TTR: variants seen among roughly 807,000 people sequenced by gnomAD.
TTR encodes the protein transthyretin, also known as epididymis luminal protein 111.
In TTR, 8 loss-of-function variants were observed where a neutral mutation model predicts 13.7. The observed-to-expected ratio is 0.58, with a 90% CI of 0.34 to 1.05. The LOEUF (loss-of-function observed/expected upper bound fraction) is 1.05, where lower values mean the gene tolerates loss of function less well. Ranked by LOEUF, TTR falls within the 50% of genes least tolerant of loss-of-function variation. TTR has a pLI of 0.02. For synonymous variants in TTR, 75 were observed against 71.7 expected, an observed-to-expected ratio of 1.05 and a Z score of -0.23; for missense variants, 135 against 185.5, an observed-to-expected ratio of 0.73 and a Z score of 1.58.
intron 3 of TTR, chr18:31,595,885 G>C: frequency 5.7e-6 from 1 of 175,840 alleles, no homozygotes; most frequent in Admixed American, 5.5e-5. Flanking sequence ...GCACCAGGAA[G>C]TCAAATAACT....
Position 31,598,669 on chromosome 18 carries a change from G to A in TTR, c.438G>A (p.Lys146=). The change falls in exon 4 of 4, where the codon AAG becomes AAA. Residue 146 remains lysine, a synonymous_variant. Transcript: ENST00000237014. ...YSTTAVVTNP[K]E Reference sequence around the variant, plus strand: ...CCACGGCTGTCGTCACCAATCCCAAGGAATGAGGGACTTCTCCTCCAGTGG... The same window carrying A: ...CCACGGCTGTCGTCACCAATCCCAAAGAATGAGGGACTTCTCCTCCAGTGG... The A allele has an allele frequency of 2.5e-6, 4 of 1,614,146 alleles. No homozygotes were observed. The highest frequency in any genetic ancestry group is 3.4e-6 in the Non-Finnish European group (4 of 1,180,020).
Position 31,591,971 on chromosome 18 carries a change from G to C in TTR, c.69G>C (p.Thr23=), listed in dbSNP as rs752579437. 8 of 1,614,014 alleles carry C rather than the reference G, an allele frequency of 5.0e-6. No individual in the cohort carries two copies. The highest frequency in any genetic ancestry group is 1.1e-5 in the South Asian group (1 of 91,068). Residue 23 remains threonine, a splice_region_variant and synonymous_variant, in exon 1 of 4, where the codon ACG becomes ACC. Coordinates refer to ENST00000237014, the MANE Select transcript of TTR (RefSeq NM_000371.4). ...GLVFVSEAGP[T]GTGESKCPLM... ...TATTTGTGTCTGAGGCTGGCCCTAC[G>C]GTGAGTGTTTCTGTGACATCCCATT...
In TTR at chr18:31,598,608, C is replaced by A. The variant is rs1456101911; in HGVS notation, c.377C>A (p.Thr126Asn). 1 of 1,614,094 alleles carries A rather than the reference C, an allele frequency of 6.2e-7. No homozygotes were observed. Among genetic ancestry groups the A allele is most frequent in the African/African-American group, 1.3e-5 (1 of 74,946 alleles). ...TANDSGPRRY[T>N]IAALLSPYSY... is the part of the protein sequence containing the mutation. ...AACGACTCCGGCCCCCGCCGCTACA[C>A]CATTGCCGCCCTGCTGAGCCCCTAC... Residue 126 changes from threonine to asparagine, a missense_variant, in exon 4 of 4, where the codon ACC becomes AAC. Thr to Asn is a moderately conservative substitution (Grantham distance 65, BLOSUM62 0). Transcript: ENST00000237014.
chr18:31,595,535 C>A, intron 3 of TTR: 2 of 535,724 alleles, frequency 3.7e-6, no homozygotes, highest in Non-Finnish European at 7.1e-6. Flanking sequence ...GATGTATCTG[C>A]TGTTGAAATA....
At chr18:31,597,708 C>G (rs964623330) in intron 3 of TTR, among the ~76,000 whole-genome samples, 1 of 152,198 alleles carries the variant, frequency 6.6e-6, no homozygotes, top group African/African-American at 2.4e-5. Flanking sequence ...TGTCTTCTAC[C>G]TCTTTCCTGA....
intron 1 of TTR, 99 bp from the exon 2 acceptor site, chr18:31,592,797 G>A: frequency 6.6e-7 from 1 of 1,510,648 alleles, no homozygotes; most frequent in Non-Finnish European, 9.1e-7. Context: ...GGATCAGTGT[G>A]TAATTCTTGT....
intron 2 of TTR, among the ~76,000 whole-genome samples, chr18:31,594,012 G>A (rs1422867732): frequency 6.6e-6 from 1 of 152,038 alleles, no homozygotes; most frequent in Non-Finnish European, 1.5e-5. Flanking sequence ...TTTTTATTTG[G>A]GAATTCATTT....
intron 3 of TTR, among the ~76,000 whole-genome samples, chr18:31,596,627 C>A (rs2073518010): frequency 6.6e-6 from 1 of 151,770 alleles, no homozygotes; most frequent in Admixed American, 6.6e-5. Flanking sequence ...TAGATCTTAG[C>A]TTCCTTGTCT....
chr18:31,592,055 C>T (rs1174198449), intron 1 of TTR, 84 bp downstream of exon 1: 3 of 1,435,970 alleles, frequency 2.1e-6, no homozygotes, highest in Non-Finnish European at 2.9e-6. Context: ...CTTTGCCAAC[C>T]AGCTTTTATT....
At chr18:31,595,427 A>G in intron 3 of TTR, 172 bp downstream of exon 3, 2 of 907,798 alleles carry the variant, frequency 2.2e-6, no homozygotes, top group East Asian at 5.3e-5. Flanking sequence ...TCTGAGAAGC[A>G]AATTTCTTTT....
intron 3 of TTR, chr18:31,595,471 T>C: frequency 1.5e-6 from 1 of 686,666 alleles, no homozygotes. Context: ...GTAACATGAC[T>C]TGAACTTACA....
At chr18:31,594,106 T>C (rs1056153097) in intron 2 of TTR, among the ~76,000 whole-genome samples, 2 of 152,052 alleles carry the variant, frequency 1.3e-5, no homozygotes, top group Non-Finnish European at 2.9e-5. Flanking sequence ...ACCAAAAATA[T>C]TCCAATGTTC....
chr18:31,597,505 G>A (rs1227457562), intron 3 of TTR, among the ~76,000 whole-genome samples: 1 of 152,192 alleles, frequency 6.6e-6, no homozygotes, highest in Non-Finnish European at 1.5e-5. Flanking sequence ...ATTCTTAGGT[G>A]ATTCTCACTT....
At position 31,591,989 on chromosome 18, in the gene TTR, A is replaced by G; in HGVS notation, c.69+18A>G. 1 of 1,613,610 alleles carries G rather than the reference A, an allele frequency of 6.2e-7. No individual in the cohort carries two copies. Among genetic ancestry groups the G allele is most frequent in the Non-Finnish European group, 8.5e-7 (1 of 1,179,550 alleles). Reference sequence around the variant, plus strand: ...GCCCTACGGTGAGTGTTTCTGTGACATCCCATTCCTACATTTAAGATTCAC... The same window carrying G: ...GCCCTACGGTGAGTGTTTCTGTGACGTCCCATTCCTACATTTAAGATTCAC... On this transcript the variant is annotated intron_variant, in intron 1 of 3. Transcript: ENST00000237014.
intron 3 of TTR, among the ~76,000 whole-genome samples, chr18:31,597,807 T>C (rs1196410364): frequency 2.0e-5 from 3 of 152,200 alleles, no homozygotes; most frequent in Non-Finnish European, 4.4e-5. Flanking sequence ...GACAGAACTG[T>C]GTGACTATCT....
At chr18:31,597,528 G>A (rs182484405) in intron 3 of TTR, among the ~76,000 whole-genome samples, 1 of 152,210 alleles carries the variant, frequency 6.6e-6, no homozygotes, top group African/African-American at 2.4e-5. Context: ...TCTTGCCCCA[G>A]TATTATTTTT....
Position 31,598,602 on chromosome 18 carries a change from G to T in TTR, c.371G>T (p.Arg124Leu). The T allele has an allele frequency of 6.2e-7, 1 of 1,614,126 alleles. No homozygotes were observed. Among genetic ancestry groups the T allele is most frequent in the Non-Finnish European group, 8.5e-7 (1 of 1,180,020 alleles). ...VFTANDSGPR[R>L]YTIAALLSPY... ...ACAGCCAACGACTCCGGCCCCCGCC[G>T]CTACACCATTGCCGCCCTGCTGAGC... Residue 124 changes from arginine (R) to leucine (L), a missense_variant, in exon 4 of 4, where the codon CGC becomes CTC. By Grantham distance (102) the Arg-to-Leu change is moderately radical. Transcript: ENST00000237014.
Position 31,598,609 on chromosome 18 carries a change from C to A in TTR, c.378C>A (p.Thr126=). 1 of 1,614,230 alleles carries A rather than the reference C, an allele frequency of 6.2e-7. No individual in the cohort carries two copies. Among genetic ancestry groups the A allele is most frequent in the South Asian group, 1.1e-5 (1 of 91,086 alleles). ...ACGACTCCGGCCCCCGCCGCTACAC[C>A]ATTGCCGCCCTGCTGAGCCCCTACT... is the stretch of plus-strand genomic sequence containing the variant. ...TANDSGPRRY[T]IAALLSPYSY... is the part of the protein sequence containing the mutation. The change falls in exon 4 of 4, where the codon ACC becomes ACA. Residue 126 remains threonine (T), a synonymous_variant. Coordinates refer to ENST00000237014, the MANE Select transcript of TTR (RefSeq NM_000371.4).
chr18:31,595,052 G>A (rs1027566111), intron 2 of TTR, 68 bp from the exon 3 acceptor site: 13 of 1,537,402 alleles, frequency 8.5e-6, no homozygotes, highest in African/African-American at 2.7e-5. Context: ...GTTGGTGGGG[G>A]TGTATTACTT....
Sources: allele counts gnomAD v4.1 joint callset (sites outside exome capture counted in the v4.1 genomes callset), GRCh38; gene constraint gnomAD v4.1.1; transcripts MANE v1.5; gene names NCBI Gene and HGNC (gene_info 2026-07-23, HGNC 2026-07-21).